Variants in FFAR1 observed in about 807,000 individuals in gnomAD.
The protein encoded by FFAR1 is G-protein coupled receptor 40.
For missense variants in FFAR1, 424 were observed against 396.2 expected, an observed-to-expected ratio of 1.07 and a Z score of -0.60; for synonymous variants, 216 against 201.5, an observed-to-expected ratio of 1.07 and a Z score of -0.61.
exon 1 of FFAR1, chr19:35,352,082 C>G (rs2066947671): frequency 1.2e-6 from 2 of 1,613,276 alleles, no homozygotes; most frequent in African/African-American, 1.3e-5. Context: ...GGGACCCGGC[C>G]TCTGCCGGCC....
At chr19:35,351,936 G>T (rs1273505103) in exon 1 of FFAR1, 27 of 1,614,144 alleles carry the variant, frequency 1.7e-5, no homozygotes, top group Non-Finnish European at 2.3e-5. Context: ...GGTGTGCGCG[G>T]CCATCTGGGC....
chr19:35,351,386 C>T (rs533470248), upstream of FFAR1: 1 of 185,580 alleles, frequency 5.4e-6, no homozygotes, highest in East Asian at 1.9e-4. Context: ...CTGCCTTTCT[C>T]TGTGGGCCTC....
At chr19:35,351,478 C>G, upstream of FFAR1, 1 of 1,402,134 alleles carries the variant, frequency 7.1e-7, no homozygotes, top group Non-Finnish European at 9.7e-7. Flanking sequence ...AGCCCCTCCT[C>G]TCCGGGGCCC....
chr19:35,350,018 G>A (rs1333733400), upstream of FFAR1, among the ~76,000 whole-genome samples: 3 of 152,184 alleles, frequency 2.0e-5, no homozygotes, highest in Non-Finnish European at 4.4e-5. Context: ...AGGAAGCTAC[G>A]CAGCCGGCCG....
At chr19:35,352,241 C>T (rs1355765323) in exon 1 of FFAR1, 1 of 1,559,544 alleles carries the variant, frequency 6.4e-7, no homozygotes, top group African/African-American at 1.4e-5. Flanking sequence ...GCGGGGCCCT[C>T]CTCACGCTGC....
chr19:35,351,791 C>A, exon 1 of FFAR1: 5 of 1,591,864 alleles, frequency 3.1e-6, no homozygotes, highest in East Asian at 4.6e-5. Flanking sequence ...CGCTGTGCCC[C>A]GTCTTCGCGG....
At chr19:35,351,806 C>A (rs773186856) in exon 1 of FFAR1, 3 of 1,604,474 alleles carry the variant, frequency 1.9e-6, no homozygotes, top group Non-Finnish European at 2.5e-6. Context: ...TCGCGGTGGC[C>A]CACTTCTTCC....
chr19:35,349,399 C>T (rs1195378230), upstream of FFAR1, among the ~76,000 whole-genome samples: 1 of 152,222 alleles, frequency 6.6e-6, no homozygotes, highest in Non-Finnish European at 1.5e-5. Context: ...GGGCTTCGCT[C>T]TTGCTGCAGG....
At chr19:35,352,945 G>A (rs557280179) in exon 1 of FFAR1, 29 of 169,946 alleles carry the variant, frequency 1.7e-4, no homozygotes, top group Non-Finnish European at 3.7e-4. Flanking sequence ...AAACTCGCAA[G>A]GGGGCAGCCT....
chr19:35,353,573 GT>G (rs1341582389), exon 1 of FFAR1: 2 of 152,220 alleles, frequency 1.3e-5, no homozygotes, highest in Admixed American at 1.3e-4. Flanking sequence ...AAAAGTACAT[GT>G]TACTGAAAAC....
chr19:35,352,073 G>A lies in FFAR1; in HGVS notation c.522G>A (p.Trp174Ter). 6.2e-7 allele frequency: 1 copy of A among 1,613,442 alleles called. No homozygotes were observed. The highest frequency in any genetic ancestry group is 8.5e-7 in the Non-Finnish European group (1 of 1,179,952). ...GCTCTCCGGTCTGCCTGGAGGCCTGGGACCCGGCCTCTGCCGGCCCGGCCC... is the reference window on the plus strand; with the variant it reads ...GCTCTCCGGTCTGCCTGGAGGCCTGAGACCCGGCCTCTGCCGGCCCGGCCC... The change falls in exon 1 of 1, where the codon TGG becomes TGA. Residue 174 changes from tryptophan to a stop codon, truncating the protein, a stop_gained. Transcript: ENST00000246553. LOFTEE classifies it low-confidence loss of function (END_TRUNC).
chr19:35,348,236 A>G (rs115206137), upstream of FFAR1, among the ~76,000 whole-genome samples: 2,025 of 152,310 alleles, frequency 0.013, 39 homozygotes, highest in African/African-American at 0.046. Context: ...TCGCCCCATC[A>G]ATCCACTTTG....
exon 1 of FFAR1, chr19:35,352,302 C>T (rs766312605): frequency 6.4e-7 from 1 of 1,552,294 alleles, no homozygotes; most frequent in Non-Finnish European, 8.7e-7. Context: ...CTTCCTGTAC[C>T]CCAATCTAGG....
At chr19:35,349,669 A>C (rs574636788), upstream of FFAR1, among the ~76,000 whole-genome samples, 1 of 152,340 alleles carries the variant, frequency 6.6e-6, no homozygotes, top group Non-Finnish European at 1.5e-5. Context: ...CAGAGCTGCC[A>C]GGAGGCCACA....
chr19:35,351,441 G>C, upstream of FFAR1: 2 of 936,190 alleles, frequency 2.1e-6, no homozygotes, highest in Non-Finnish European at 3.3e-6. Flanking sequence ...TCTCCACACA[G>C]GGCTGGAACC....
At chr19:35,352,430 G>C (rs975749544) in exon 1 of FFAR1, 33 of 1,554,250 alleles carry the variant, frequency 2.1e-5, no homozygotes, top group Non-Finnish European at 2.9e-5. Flanking sequence ...CGGCAAGAAC[G>C]CAAGGGGGCA....
chr19:35,352,197 C>A, exon 1 of FFAR1: 1 of 1,600,556 alleles, frequency 6.2e-7, no homozygotes, highest in Non-Finnish European at 8.5e-7. Context: ...CGGCCTGACG[C>A]ACAGGCGGAA....
upstream of FFAR1, among the ~76,000 whole-genome samples, chr19:35,351,324 C>T (rs916223278): frequency 4.6e-5 from 7 of 152,292 alleles, no homozygotes; most frequent in Admixed American, 6.5e-5. Flanking sequence ...AAGCACAGGA[C>T]TGGGGGCCAC....
chr19:35,351,252 A>AAG (rs2066942940), upstream of FFAR1, among the ~76,000 whole-genome samples: 1 of 152,088 alleles, frequency 6.6e-6, no homozygotes, highest in Non-Finnish European at 1.5e-5. Context: ...TGTGCGCCAC[A>AAG]TCCTATCTCC....
Sources: gnomAD v4.1 joint callset for allele counts (sites outside exome capture counted in the v4.1 genomes callset) on GRCh38, gnomAD v4.1.1 for gene constraint, MANE v1.5 for transcripts, NCBI Gene and HGNC (gene_info 2026-07-23, HGNC 2026-07-21) for gene names.